The following SH2D4B variants were observed in gnomAD, a reference collection of about 807,000 sequenced individuals.
SH2D4B encodes SH2 domain-containing protein 4B.
A neutral mutation model predicts 61.5 loss-of-function variants in SH2D4B; 45 were observed. The ratio of observed to expected loss-of-function variants is 0.73; its 90% CI spans 0.58 to 0.94. SH2D4B has a LOEUF of 0.94. Among genes scored for constraint, SH2D4B ranks in the 40% least tolerant of loss-of-function variants. SH2D4B has a pLI of 0.00. For synonymous variants in SH2D4B, 224 were observed against 220.4 expected, an observed-to-expected ratio of 1.02 and a Z score of -0.14; for missense variants, 572 against 574.2, an observed-to-expected ratio of 1.00 and a Z score of 0.04.
At chr10:80,589,094 C>G (rs1371320386) in intron 4 of SH2D4B, among the ~76,000 whole-genome samples, 1 of 151,840 alleles carries the variant, frequency 6.6e-6, no homozygotes, top group Admixed American at 6.6e-5. Context: ...ACTTCTGTCT[C>G]CCAGGTTCAA....
rs1840395856 is a variant in SH2D4B at position 80,646,401 on chromosome 10, CT to C, written c.*2317del. The stretch of plus-strand genomic sequence containing the variant: ...ACATTTATTTCATTTTATTTGGGGC[CT>C]GCAATTTCTGCATGTCTCATATATT... On this transcript the variant is annotated 3_prime_UTR_variant, in exon 8 of 8. Coordinates refer to ENST00000646907, the MANE Select transcript of SH2D4B (RefSeq NM_001388272.1). The C allele has an allele frequency of 6.6e-6, 1 of 152,338 alleles. No homozygotes were observed. The highest frequency in any genetic ancestry group is 2.4e-5 in the African/African-American group (1 of 41,430). The allele number at this position is 152,338 out of a possible 1,614,324, so 9.4% of individuals were successfully genotyped here.
At chr10:80,577,584 G>A (rs1173737764) in intron 3 of SH2D4B, among the ~76,000 whole-genome samples, 17 of 151,932 alleles carry the variant, frequency 1.1e-4, no homozygotes, top group Non-Finnish European at 1.3e-4. Context: ...CTGCCACCAC[G>A]CCCGGCTAAT....
chr10:80,634,499 C>T lies in SH2D4B; in HGVS notation c.1203C>T (p.Phe401=). ...RHATLTDLVD[F]HKEEIITVSG... ...CAACGCTCACGGATCTCGTTGATTT[C>T]CATAAGGTATCCCTCACAGGGATAC... The change falls in exon 7 of 8, where the codon TTC becomes TTT. Residue 401 remains phenylalanine (F), a synonymous_variant. Coordinates refer to ENST00000646907, the MANE Select transcript of SH2D4B (RefSeq NM_001388272.1). 1 of 1,549,828 alleles carries T rather than the reference C, an allele frequency of 6.5e-7. No homozygotes were observed. Among genetic ancestry groups the T allele is most frequent in the Non-Finnish European group, 8.7e-7 (1 of 1,146,918 alleles).
intron 4 of SH2D4B, among the ~76,000 whole-genome samples, chr10:80,602,848 G>T (rs940687697): frequency 6.6e-6 from 1 of 152,180 alleles, no homozygotes; most frequent in Non-Finnish European, 1.5e-5. Flanking sequence ...GATACACAGG[G>T]TTTTAAATCG....
At chr10:80,588,543 C>T in intron 3 of SH2D4B, 87 bp from the exon 4 acceptor site, 1 of 1,538,750 alleles carries the variant, frequency 6.5e-7, no homozygotes, top group Non-Finnish European at 8.8e-7. Flanking sequence ...TCAGCCCCAT[C>T]CACTGCAGAA....
intron 6 of SH2D4B, among the ~76,000 whole-genome samples, chr10:80,610,162 A>G (rs531510651): frequency 2.6e-5 from 4 of 152,056 alleles, no homozygotes; most frequent in East Asian, 3.9e-4. Flanking sequence ...AGCTCTTTGC[A>G]TGGCTGGCAC....
chr10:80,608,554 T>C (rs945317861), intron 5 of SH2D4B, among the ~76,000 whole-genome samples: 2 of 152,306 alleles, frequency 1.3e-5, no homozygotes, highest in East Asian at 1.9e-4. Flanking sequence ...GGGGGTCTCA[T>C]GTGTCCAAGT....
intron 4 of SH2D4B, among the ~76,000 whole-genome samples, chr10:80,591,884 T>A (rs748965797): frequency 6.6e-6 from 1 of 152,170 alleles, no homozygotes; most frequent in Non-Finnish European, 1.5e-5. Flanking sequence ...CATTAATCCA[T>A]GAAAGGATTA....
intron 6 of SH2D4B, among the ~76,000 whole-genome samples, chr10:80,615,145 G>T (rs1842646570): frequency 6.6e-6 from 1 of 152,234 alleles, no homozygotes; most frequent in African/African-American, 2.4e-5. Flanking sequence ...TATGGAGCAG[G>T]AAGGGGTTGG....
intron 6 of SH2D4B, among the ~76,000 whole-genome samples, chr10:80,625,831 C>T (rs1165444204): frequency 1.3e-5 from 2 of 152,000 alleles, no homozygotes; most frequent in Non-Finnish European, 2.9e-5. Context: ...ACCTCAGCCT[C>T]CCAAAGTGCT....
At chr10:80,548,599 C>T (rs546394703) in intron 1 of SH2D4B, among the ~76,000 whole-genome samples, 1 of 152,294 alleles carries the variant, frequency 6.6e-6, no homozygotes, top group East Asian at 1.9e-4. Flanking sequence ...ATGAGAATAA[C>T]AACTCTTTCC....
intron 1 of SH2D4B, among the ~76,000 whole-genome samples, chr10:80,562,559 A>G (rs1164777913): frequency 6.6e-6 from 1 of 152,126 alleles, no homozygotes; most frequent in Non-Finnish European, 1.5e-5. Context: ...TATCTTGGCT[A>G]TTGTGCATAA....
chr10:80,583,688 T>C (rs1437537192), intron 3 of SH2D4B, among the ~76,000 whole-genome samples: 1 of 151,560 alleles, frequency 6.6e-6, no homozygotes, highest in Non-Finnish European at 1.5e-5. Flanking sequence ...AAAAGACAGA[T>C]GGAGAGCAAG....
At chr10:80,587,396 C>G (rs1367632360) in intron 3 of SH2D4B, among the ~76,000 whole-genome samples, 1 of 152,062 alleles carries the variant, frequency 6.6e-6, no homozygotes, top group Non-Finnish European at 1.5e-5. Flanking sequence ...TCTCCTGCCT[C>G]AGCCTGCCTA....
rs545485834 is a variant in SH2D4B at position 80,644,235 on chromosome 10, A to G, written c.*150A>G. On this transcript the variant is annotated 3_prime_UTR_variant, in exon 8 of 8. Transcript: ENST00000646907. ...ATATGCCTCAAGGGATATGACATCT[A>G]TGGCATAGGGCTACTGGTCTCATCC... is the stretch of plus-strand genomic sequence containing the variant. The G allele has an allele frequency of 8.9e-5, 57 of 639,894 alleles. No individual in the cohort carries two copies. In the South Asian group the frequency reaches 1.0e-3, roughly 12 times the overall value. The allele number at this position is 639,894 out of a possible 1,614,324, so 39.6% of individuals were successfully genotyped here.
intron 1 of SH2D4B, among the ~76,000 whole-genome samples, chr10:80,542,794 C>T (rs1329302871): frequency 6.6e-6 from 1 of 152,028 alleles, no homozygotes; most frequent in Admixed American, 6.5e-5. Flanking sequence ...GGGAGCCAGA[C>T]GTCTTTCCCT....
At chr10:80,635,201 C>T (rs1333666079) in intron 7 of SH2D4B, among the ~76,000 whole-genome samples, 5 of 152,108 alleles carry the variant, frequency 3.3e-5, no homozygotes, top group Admixed American at 2.6e-4. Flanking sequence ...CTGCCATGGA[C>T]CCTATATTGG....
At chr10:80,577,476 G>C (rs1842139358) in intron 3 of SH2D4B, among the ~76,000 whole-genome samples, 1 of 151,308 alleles carries the variant, frequency 6.6e-6, no homozygotes, top group Non-Finnish European at 1.5e-5. Context: ...GCCCAGGCTG[G>C]AGTGCAGTGG....
At chr10:80,578,901 T>C (rs983694443) in intron 3 of SH2D4B, among the ~76,000 whole-genome samples, 10 of 151,986 alleles carry the variant, frequency 6.6e-5, no homozygotes, top group Admixed American at 2.6e-4. Context: ...GTGAAATCAA[T>C]AGGGCTTGGC....
Sources: allele counts gnomAD v4.1 joint callset (sites outside exome capture counted in the v4.1 genomes callset), GRCh38; gene constraint gnomAD v4.1.1; transcripts MANE v1.5; gene names NCBI Gene and HGNC (gene_info 2026-07-23, HGNC 2026-07-21).